Variants in HTR1F observed in about 807,000 individuals in gnomAD.
HTR1F encodes 5-hydroxytryptamine receptor 1F.
HTR1F carries 17 observed loss-of-function variants against 24.0 expected under a neutral mutation model. That is an observed-to-expected ratio of 0.71 (90% CI 0.48 to 1.06). HTR1F has a LOEUF of 1.06. Among genes scored for constraint, HTR1F ranks in the 50% least tolerant of loss-of-function variants. The probability of loss-of-function intolerance (pLI) is 0.00; values close to 1 mark genes in which losing one functional copy is unlikely to be tolerated. For missense variants in HTR1F, 391 were observed against 427.8 expected, an observed-to-expected ratio of 0.91 and a Z score of 0.76; for synonymous variants, 186 against 156.8, an observed-to-expected ratio of 1.19 and a Z score of -1.39.
intron 2 of HTR1F, among the ~76,000 whole-genome samples, chr3:87,930,913 T>G (rs1221681152): frequency 6.6e-6 from 1 of 152,100 alleles, no homozygotes; most frequent in Non-Finnish European, 1.5e-5. Flanking sequence ...TACACACTTT[T>G]ACACATCTCA....
chr3:87,974,935 A>C (rs1291597681), intron 2 of HTR1F, among the ~76,000 whole-genome samples: 5 of 152,194 alleles, frequency 3.3e-5, no homozygotes, highest in African/African-American at 1.2e-4. Flanking sequence ...ATGACAGTTC[A>C]GATTTGTTCT....
intron 2 of HTR1F, among the ~76,000 whole-genome samples, chr3:87,980,725 C>T (rs77050961): frequency 0.014 from 2,157 of 152,266 alleles, 52 homozygotes; most frequent in African/African-American, 0.049. Context: ...AGTCCCCCCT[C>T]GGCCTCTCTC....
chr3:87,823,403 A>G (rs1304719576), intron 2 of HTR1F, among the ~76,000 whole-genome samples: 1 of 152,042 alleles, frequency 6.6e-6, no homozygotes, highest in African/African-American at 2.4e-5. Flanking sequence ...TCTACTTCGT[A>G]GTTCATCTTC....
At chr3:87,935,931 A>G (rs2107423051) in intron 2 of HTR1F, among the ~76,000 whole-genome samples, 1 of 152,026 alleles carries the variant, frequency 6.6e-6, no homozygotes, top group East Asian at 1.9e-4. Flanking sequence ...GCTCACTGCA[A>G]CCTCCACCTT....
intron 2 of HTR1F, among the ~76,000 whole-genome samples, chr3:87,907,442 T>C (rs145561999): frequency 6.6e-6 from 1 of 151,860 alleles, no homozygotes; most frequent in African/African-American, 2.4e-5. Flanking sequence ...TGGATGTATA[T>C]TTAAACACAC....
In HTR1F at chr3:87,993,157, T is replaced by C. The variant is rs1248040281; in HGVS notation, c.*1307T>C. 6.0e-6 allele frequency: 1 copy of C among 166,856 alleles called. No homozygotes were observed. Among genetic ancestry groups the C allele is most frequent in the African/African-American group, 2.4e-5 (1 of 41,402 alleles). 10.3% of individuals were successfully genotyped at this position (166,856 alleles called of 1,614,324 possible). ...GTTTGAAAAACAATATATACCTTTT[T>C]TTAAGTTGTACATTTATGTGCATTG... On this transcript the variant is annotated 3_prime_UTR_variant, in exon 3 of 3. Coordinates refer to ENST00000319595, the MANE Select transcript of HTR1F (RefSeq NM_001322209.2).
At chr3:87,796,268 C>T (rs538968068) in intron 1 of HTR1F, among the ~76,000 whole-genome samples, 7 of 152,006 alleles carry the variant, frequency 4.6e-5, no homozygotes, top group African/African-American at 9.7e-5. Flanking sequence ...AATTGAGGCT[C>T]ATGTCTAGAT....
chr3:87,811,230 C>T (rs1183637853), intron 1 of HTR1F, among the ~76,000 whole-genome samples: 3 of 151,728 alleles, frequency 2.0e-5, no homozygotes, highest in Non-Finnish European at 2.9e-5. Flanking sequence ...CATAGATCTG[C>T]CTTTGCAGTT....
intron 2 of HTR1F, among the ~76,000 whole-genome samples, chr3:87,931,414 T>C (rs1704268615): frequency 1.3e-5 from 2 of 152,344 alleles, no homozygotes; most frequent in African/African-American, 4.8e-5. Flanking sequence ...TTCCATGGTG[T>C]ATATGTGCCA....
At chr3:87,989,930 C>A (rs765398306) in intron 2 of HTR1F, among the ~76,000 whole-genome samples, 1 of 152,154 alleles carries the variant, frequency 6.6e-6, no homozygotes, top group Non-Finnish European at 1.5e-5. Context: ...TGTAAGTGTG[C>A]ATTCATCTAA....
intron 2 of HTR1F, among the ~76,000 whole-genome samples, chr3:87,917,354 A>G (rs1257774210): frequency 2.0e-5 from 3 of 151,664 alleles, no homozygotes; most frequent in Non-Finnish European, 4.4e-5. Context: ...GGAAATAACC[A>G]AGATCAGAGC....
At chr3:87,964,926 A>C (rs1247441707) in intron 2 of HTR1F, among the ~76,000 whole-genome samples, 1 of 152,076 alleles carries the variant, frequency 6.6e-6, no homozygotes, top group East Asian at 1.9e-4. Context: ...CATGATAGTG[A>C]ATAAGTCATG....
chr3:87,924,101 C>A (rs1194741311), intron 2 of HTR1F, among the ~76,000 whole-genome samples: 1 of 152,002 alleles, frequency 6.6e-6, no homozygotes, highest in African/African-American at 2.4e-5. Flanking sequence ...TGGTAGGATT[C>A]AGCAATAAAG....
At chr3:87,943,477 G>A (rs1471319196) in intron 2 of HTR1F, among the ~76,000 whole-genome samples, 2 of 152,018 alleles carry the variant, frequency 1.3e-5, no homozygotes, top group Admixed American at 1.3e-4. Context: ...CTCACTGCTT[G>A]GAGGGGGCAT....
intron 2 of HTR1F, among the ~76,000 whole-genome samples, chr3:87,839,995 T>C (rs189551694): frequency 6.6e-6 from 1 of 152,268 alleles, no homozygotes; most frequent in East Asian, 1.9e-4. Flanking sequence ...GTTTTCTTTA[T>C]CTAACCTACC....
At chr3:87,902,509 T>A (rs74338578) in intron 2 of HTR1F, among the ~76,000 whole-genome samples, 1,797 of 152,244 alleles carry the variant, frequency 0.012, 34 homozygotes, top group African/African-American at 0.04. Flanking sequence ...CCAAAGTTTT[T>A]TAAACAGGAC....
chr3:87,871,978 CAT>C (rs1285843997), intron 2 of HTR1F, among the ~76,000 whole-genome samples: 2 of 152,042 alleles, frequency 1.3e-5, no homozygotes, highest in Non-Finnish European at 2.9e-5. Context: ...GTTCACAGAA[CAT>C]TCTCCAGGAT....
intron 2 of HTR1F, among the ~76,000 whole-genome samples, chr3:87,893,459 T>A (rs1028347158): frequency 6.6e-6 from 1 of 152,184 alleles, no homozygotes; most frequent in Non-Finnish European, 1.5e-5. Context: ...ATTCCACAAT[T>A]TTGCAGATTA....
intron 2 of HTR1F, among the ~76,000 whole-genome samples, chr3:87,951,889 T>C (rs1316064320): frequency 6.6e-6 from 1 of 152,104 alleles, no homozygotes; most frequent in Non-Finnish European, 1.5e-5. Flanking sequence ...AGTTTTGCCT[T>C]TTCCAGAATG....
Sources: gnomAD v4.1 joint callset for allele counts (sites outside exome capture counted in the v4.1 genomes callset) on GRCh38, gnomAD v4.1.1 for gene constraint, MANE v1.5 for transcripts, NCBI Gene and HGNC (gene_info 2026-07-23, HGNC 2026-07-21) for gene names.